ISM1: variants seen among roughly 807,000 people sequenced by gnomAD.
ISM1 encodes isthmin-1.
Under a neutral mutation model 46.3 loss-of-function variants are expected in ISM1, and 25 were observed. That is an observed-to-expected ratio of 0.54 (90% CI 0.39 to 0.75). The LOEUF (loss-of-function observed/expected upper bound fraction) is 0.75. ISM1 is among the 30% of genes least tolerant of loss of function. The pLI, the probability that ISM1 is intolerant of heterozygous loss-of-function variation, is 0.00. For missense variants in ISM1, 536 were observed against 625.4 expected (o/e 0.86, Z 1.52); for synonymous variants, 255 against 256.7 (o/e 0.99, Z 0.06).
At chr20:13,294,567 T>C (rs2040388244) in intron 5 of ISM1, among the ~76,000 whole-genome samples, 1 of 152,136 alleles carries the variant, frequency 6.6e-6, no homozygotes, top group Non-Finnish European at 1.5e-5. Flanking sequence ...ACACCAGAGC[T>C]GAGTAGACAT....
At chr20:13,266,538 C>A (rs751474693) in intron 1 of ISM1, among the ~76,000 whole-genome samples, 4 of 152,106 alleles carry the variant, frequency 2.6e-5, no homozygotes, top group Non-Finnish European at 5.9e-5. Flanking sequence ...AATGTTAACT[C>A]ATAGATAGTT....
chr20:13,315,998 T>A, the ISM1 span, among the ~76,000 whole-genome samples: 1 of 151,946 alleles, frequency 6.6e-6, no homozygotes, highest in African/African-American at 2.4e-5. Context: ...GCAAAAGTAG[T>A]GCTTAAAGGG....
chr20:13,249,234 T>C (rs2039838066), intron 1 of ISM1, among the ~76,000 whole-genome samples: 1 of 152,138 alleles, frequency 6.6e-6, no homozygotes, highest in Non-Finnish European at 1.5e-5. Flanking sequence ...CACTGAAAGG[T>C]ACTGAAAACA....
rs143057539 is a variant in ISM1, at chr20:13,260,347, G to A, written c.139-10157G>A. Among the ~76,000 whole-genome samples the A allele has an allele frequency of 4.6e-5, 7 of 152,304 alleles. No individual in the cohort carries two copies. In the South Asian group the frequency reaches 6.2e-4, roughly 14 times the overall value. ...AGGAGAACTGTTAAGTCTCAGCTTC[G>A]AGTCTTTGAAAAACTGGCAATGAAG... On this transcript the variant is annotated intron_variant, in intron 1 of 5. Coordinates refer to ENST00000262487, the MANE Select transcript of ISM1 (RefSeq NM_080826.2).
rs181253023 is a variant in ISM1 at position 13,288,595 on chromosome 20, C to T, written c.699C>T (p.Cys233=). 340 of 1,613,910 alleles carry T rather than the reference C, an allele frequency of 2.1e-4. 2 individuals carry two copies. In the East Asian group the frequency reaches 5.6e-3, roughly 27 times the overall value. The part of the protein sequence containing the change: ...WSLWSVCSVT[C]GNGNQKRTRS... ...TCTGGTCTGTCTGCAGCGTCACCTG[C>T]GGGAACGGCAACCAGAAACGGACCC... Residue 233 remains cysteine, a synonymous_variant, in exon 4 of 6, where the codon TGC becomes TGT. Transcript: ENST00000262487.
At chr20:13,320,254 T>G in the ISM1 span, among the ~76,000 whole-genome samples, 1 of 152,068 alleles carries the variant, frequency 6.6e-6, no homozygotes, top group Non-Finnish European at 1.5e-5. Context: ...AGAGTGTGAG[T>G]TGAGCAAAAA....
At chr20:13,302,091 A>G (rs1374021640), downstream of ISM1, among the ~76,000 whole-genome samples, 1 of 152,228 alleles carries the variant, frequency 6.6e-6, no homozygotes, top group Non-Finnish European at 1.5e-5. Context: ...CAAGAGTGGC[A>G]AGTTATGGAG....
At chr20:13,256,947 T>C (rs1407383740) in intron 1 of ISM1, among the ~76,000 whole-genome samples, 4 of 152,082 alleles carry the variant, frequency 2.6e-5, no homozygotes, top group African/African-American at 9.7e-5. Flanking sequence ...CTAGGGAAGA[T>C]AGGAGCTGGG....
At chr20:13,286,901 C>T (rs758573540) in intron 3 of ISM1, among the ~76,000 whole-genome samples, 4 of 152,210 alleles carry the variant, frequency 2.6e-5, no homozygotes, top group South Asian at 4.1e-4. Context: ...TTTAGCTCCA[C>T]GCTTGGCAGC....
chr20:13,247,342 A>G (rs1252703664), intron 1 of ISM1, among the ~76,000 whole-genome samples: 2 of 152,136 alleles, frequency 1.3e-5, no homozygotes, highest in Non-Finnish European at 2.9e-5. Flanking sequence ...GCATCAGGAA[A>G]TGTTGTGTCT....
chr20:13,269,353 C>T (rs759058163), intron 1 of ISM1, among the ~76,000 whole-genome samples: 60 of 152,148 alleles, frequency 3.9e-4, no homozygotes, highest in Non-Finnish European at 1.2e-4. Context: ...GAAATTTCCC[C>T]ATAGTGATAA....
At position 13,279,717 on chromosome 20, in the gene ISM1, A is replaced by C. The variant is rs761450627; in HGVS notation, c.462A>C (p.Pro154=). The part of the protein sequence containing the change: ...HPENKPSWSV[P]SPDWRAWWQR... ...AGAATAAGCCCAGCTGGTCAGTCCC[A>C]TCCCCCGACTGGCGGGCCTGGTGGC... Residue 154 remains proline, a synonymous_variant, in exon 3 of 6, where the codon CCA becomes CCC. Coordinates refer to ENST00000262487, the MANE Select transcript of ISM1 (RefSeq NM_080826.2). The C allele has an allele frequency of 1.9e-6, 3 of 1,613,990 alleles. No homozygotes were observed. The highest frequency in any genetic ancestry group is 1.7e-5 in the Admixed American group (1 of 60,034).
At position 13,279,755 on chromosome 20, in the gene ISM1, C is replaced by T. The variant is rs2040217722; in HGVS notation, c.500C>T (p.Ser167Phe). ...CGGGCCTGGTGGCAGAGGTCCCTGT[C>T]CTTGGCCAGGGCAAACAGCGGGGAC... ...DWRAWWQRSL[S>F]LARANSGDQD... The change falls in exon 3 of 6, where the codon TCC (serine) becomes TTC (phenylalanine). Residue 167 changes from serine (S) to phenylalanine (F), a missense_variant. By Grantham distance (155) the Ser-to-Phe change is radical (BLOSUM62 -2). Around this residue, in one of 2 missense-constraint regions of ISM1, gnomAD observed 367 missense variants for 376.1 expected, o/e 0.98. Transcript: ENST00000262487. 1 of 1,614,006 alleles carries T rather than the reference C, an allele frequency of 6.2e-7. No homozygotes were observed. The highest frequency in any genetic ancestry group is 8.5e-7 in the Non-Finnish European group (1 of 1,179,886).
chr20:13,314,633 T>G, the ISM1 span, among the ~76,000 whole-genome samples: 1 of 152,026 alleles, frequency 6.6e-6, no homozygotes, highest in Admixed American at 6.6e-5. Context: ...TAAAAGAAAT[T>G]CTTTAAGAAA....
At position 13,255,058 on chromosome 20, in the gene ISM1, G is replaced by A. The variant is rs556974870; in HGVS notation, c.139-15446G>A. On this transcript the variant is annotated intron_variant, in intron 1 of 5. Transcript: ENST00000262487. ...GGTAGGGGCCACAACACAGAAGAAA[G>A]CCCATAAATAGAATAATTTCAGCTA... Among the ~76,000 whole-genome samples the A allele has an allele frequency of 2.0e-5, 3 of 152,300 alleles. No homozygotes were observed. In the South Asian group the frequency reaches 6.2e-4, roughly 32 times the overall value.
At chr20:13,250,824 T>C (rs998138715) in intron 1 of ISM1, among the ~76,000 whole-genome samples, 1 of 152,196 alleles carries the variant, frequency 6.6e-6, no homozygotes, top group African/African-American at 2.4e-5. Flanking sequence ...TCAAAATGAA[T>C]CCCAGCTAAT....
intron 1 of ISM1, among the ~76,000 whole-genome samples, chr20:13,267,098 A>G (rs1000931606): frequency 6.6e-6 from 1 of 152,224 alleles, no homozygotes; most frequent in African/African-American, 2.4e-5. Context: ...GTTTCATTCT[A>G]TATGAGCCAT....
downstream of ISM1, among the ~76,000 whole-genome samples, chr20:13,304,783 C>T (rs369827808): frequency 4.6e-5 from 7 of 152,158 alleles, no homozygotes; most frequent in Admixed American, 1.3e-4. Context: ...TACCAGTCCA[C>T]GAGCTCCCAG....
At chr20:13,322,694 A>C in the ISM1 span, among the ~76,000 whole-genome samples, 1 of 152,220 alleles carries the variant, frequency 6.6e-6, no homozygotes, top group Non-Finnish European at 1.5e-5. Context: ...GATAAGGAAT[A>C]GCTGCAAAGC....
Sources: gnomAD v4.1 joint callset for allele counts (sites outside exome capture counted in the v4.1 genomes callset) on GRCh38, gnomAD v4.1.1 for gene constraint, gnomAD v4.1.1 regional missense constraint, MANE v1.5 for transcripts, NCBI Gene and HGNC (gene_info 2026-07-23, HGNC 2026-07-21) for gene names.